The following EPHB1 variants were observed in gnomAD, a reference collection of about 807,000 sequenced individuals.
EPHB1 encodes the protein ephrin type-B receptor 1.
Under a neutral mutation model 94.4 loss-of-function variants are expected in EPHB1, and 30 were observed. The ratio of observed to expected loss-of-function variants is 0.32; its 90% CI spans 0.24 to 0.43. The LOEUF is 0.43. EPHB1 is among the 20% of genes least tolerant of loss of function. The pLI is 1.00. For missense variants in EPHB1, 1,055 were observed against 1,308.3 expected (o/e 0.81, Z 2.99); for synonymous variants, 522 against 489.1 (o/e 1.07, Z -0.89).
At chr3:134,964,889 T>A (rs901624289) in intron 3 of EPHB1, among the ~76,000 whole-genome samples, 24 of 152,236 alleles carry the variant, frequency 1.6e-4, no homozygotes, top group Non-Finnish European at 4.4e-5. Context: ...TCATTGTTTT[T>A]ATTTTGTCTC....
intron 1 of EPHB1, among the ~76,000 whole-genome samples, chr3:134,894,549 A>G (rs571983606): frequency 6.6e-6 from 1 of 152,124 alleles, no homozygotes. Flanking sequence ...CTGTCTAAAC[A>G]CTGTTTATAA....
Position 134,952,972 on chromosome 3 carries a change from T to C in EPHB1, c.805+920T>C, listed in dbSNP as rs747712016. On this transcript the variant is annotated intron_variant, in intron 3 of 15. Transcript: ENST00000398015. ...ACTGCTTTCCCTTATTAAATTTTGC[T>C]TGGAGCCTTCAAAGGTCCTGATTCT... 1.4e-4 allele frequency among the ~76,000 whole-genome samples: 22 copies of C among 152,314 alleles called. 1 individual carries two copies. The highest frequency in any genetic ancestry group is 6.5e-4 in the Admixed American group (10 of 15,306).
intron 3 of EPHB1, among the ~76,000 whole-genome samples, chr3:135,038,355 C>T (rs1371316784): frequency 6.6e-6 from 1 of 152,200 alleles, no homozygotes; most frequent in Non-Finnish European, 1.5e-5. Context: ...TTGCCTTTAA[C>T]AGCATGTGCT....
chr3:134,926,332 C>CA (rs1173922222), intron 2 of EPHB1, among the ~76,000 whole-genome samples: 1 of 152,154 alleles, frequency 6.6e-6, no homozygotes, highest in Non-Finnish European at 1.5e-5. Context: ...TGGCCAGCTA[C>CA]AAAAATAGAT....
At chr3:135,139,969 C>T (rs1267834336) in intron 5 of EPHB1, among the ~76,000 whole-genome samples, 1 of 152,066 alleles carries the variant, frequency 6.6e-6, no homozygotes, top group Admixed American at 6.5e-5. Flanking sequence ...GCTAATAGCT[C>T]CAGAACAGCC....
At chr3:135,139,205 C>T (rs1940729280) in intron 5 of EPHB1, among the ~76,000 whole-genome samples, 1 of 152,156 alleles carries the variant, frequency 6.6e-6, no homozygotes, top group African/African-American at 2.4e-5. Flanking sequence ...ATCTTAATAT[C>T]CCTCCCAGAT....
At chr3:134,968,036 T>C (rs1933830765) in intron 3 of EPHB1, among the ~76,000 whole-genome samples, 1 of 152,220 alleles carries the variant, frequency 6.6e-6, no homozygotes, top group African/African-American at 2.4e-5. Flanking sequence ...GCCATGCAAC[T>C]AGCCAGGGTG....
chr3:134,889,096 T>C (rs1390938356), intron 1 of EPHB1, among the ~76,000 whole-genome samples: 1 of 152,158 alleles, frequency 6.6e-6, no homozygotes, highest in Non-Finnish European at 1.5e-5. Flanking sequence ...TTAAAGAGTT[T>C]GAGGGTGAGC....
At chr3:135,255,993 G>T (rs1235606654) in intron 15 of EPHB1, among the ~76,000 whole-genome samples, 1 of 149,892 alleles carries the variant, frequency 6.7e-6, no homozygotes, top group Admixed American at 6.7e-5. Flanking sequence ...TGTCTCTTTT[G>T]ATCTTTGTTG....
intron 6 of EPHB1, among the ~76,000 whole-genome samples, chr3:135,158,191 C>A (rs1294329356): frequency 6.6e-6 from 1 of 152,176 alleles, no homozygotes; most frequent in Non-Finnish European, 1.5e-5. Flanking sequence ...GATGTAAACA[C>A]AAATAGAATT....
chr3:135,134,554 G>A (rs1237236259), intron 5 of EPHB1, among the ~76,000 whole-genome samples: 4 of 152,188 alleles, frequency 2.6e-5, no homozygotes, highest in Non-Finnish European at 4.4e-5. Flanking sequence ...ACATGCATAC[G>A]TGTGTAGTGA....
rs370447509 is a variant in EPHB1, at chr3:134,851,609, T to C, written c.58+55920T>C. On this transcript the variant is annotated intron_variant, in intron 1 of 15. Coordinates refer to ENST00000398015, the MANE Select transcript of EPHB1 (RefSeq NM_004441.5). ...TGTTCCTTGGGCTACTGCCAGTCCCTCATGGGGGCAAAACCATGCTCACTT... is the reference window on the plus strand; with the variant it reads ...TGTTCCTTGGGCTACTGCCAGTCCCCCATGGGGGCAAAACCATGCTCACTT... Among the ~76,000 whole-genome samples the C allele has an allele frequency of 1.5e-3, 231 of 152,310 alleles. 1 individual carries two copies. Among genetic ancestry groups the C allele is most frequent in the African/African-American group, 5.3e-3 (221 of 41,566 alleles).
At chr3:135,126,568 C>A (rs1940216898) in intron 4 of EPHB1, among the ~76,000 whole-genome samples, 1 of 152,158 alleles carries the variant, frequency 6.6e-6, no homozygotes, top group South Asian at 2.1e-4. Context: ...GAGACACAGC[C>A]CCATGCTCAA....
intron 7 of EPHB1, among the ~76,000 whole-genome samples, chr3:135,163,221 T>C (rs1339407993): frequency 1.3e-5 from 2 of 152,216 alleles, no homozygotes; most frequent in Non-Finnish European, 2.9e-5. Flanking sequence ...TTAAAATCAG[T>C]TGGGTTCTTA....
chr3:135,013,265 A>G (rs1250495716), intron 3 of EPHB1, among the ~76,000 whole-genome samples: 3 of 152,186 alleles, frequency 2.0e-5, no homozygotes, highest in Non-Finnish European at 4.4e-5. Flanking sequence ...ATCGGGATTG[A>G]GTGAGTAGCA....
At chr3:134,969,800 T>C (rs1261422400) in intron 3 of EPHB1, among the ~76,000 whole-genome samples, 2 of 152,130 alleles carry the variant, frequency 1.3e-5, no homozygotes, top group African/African-American at 2.4e-5. Context: ...AAAAATCTGC[T>C]CATTCTGAGA....
chr3:135,131,496 A>T (rs1347209749), intron 4 of EPHB1, among the ~76,000 whole-genome samples: 2 of 152,210 alleles, frequency 1.3e-5, no homozygotes, highest in Non-Finnish European at 2.9e-5. Context: ...CTGCTCCAGC[A>T]GACCTGCCAT....
At chr3:134,817,088 G>A (rs1331515564) in intron 1 of EPHB1, among the ~76,000 whole-genome samples, 1 of 152,138 alleles carries the variant, frequency 6.6e-6, no homozygotes, top group Non-Finnish European at 1.5e-5. Context: ...CAAAGTTTAA[G>A]GGGGCACTAA....
chr3:134,941,798 C>CACACAA (rs905075046), intron 2 of EPHB1, among the ~76,000 whole-genome samples: 82 of 140,752 alleles, frequency 5.8e-4, no homozygotes, highest in African/African-American at 2.0e-3. Context: ...CACACACACA[C>CACACAA]AATCAGCCAG....
Sources: gnomAD v4.1 joint callset for allele counts (sites outside exome capture counted in the v4.1 genomes callset) on GRCh38, gnomAD v4.1.1 for gene constraint, MANE v1.5 for transcripts, NCBI Gene and HGNC (gene_info 2026-07-23, HGNC 2026-07-21) for gene names.